TXK: variants seen among roughly 807,000 people sequenced by gnomAD.
TXK encodes TXK tyrosine kinase.
TXK carries 60 observed loss-of-function variants against 81.0 expected under a neutral mutation model. That is an observed-to-expected ratio of 0.74 (90% CI 0.60 to 0.92). The LOEUF (loss-of-function observed/expected upper bound fraction) is 0.92. Among genes scored for constraint, TXK ranks in the 40% least tolerant of loss-of-function variants. The pLI is 0.00. For missense variants in TXK, 581 were observed against 638.3 expected, an observed-to-expected ratio of 0.91 and a Z score of 0.97; for synonymous variants, 203 against 210.7, an observed-to-expected ratio of 0.96 and a Z score of 0.32.
intron 5 of TXK, among the ~76,000 whole-genome samples, 196 bp from the exon 6 acceptor site, chr4:48,105,151 T>C (rs1319586647): frequency 6.6e-6 from 1 of 152,170 alleles, no homozygotes; most frequent in Non-Finnish European, 1.5e-5. Context: ...CAAATCAATA[T>C]CTAGTTTATT....
chr4:48,089,682 GCACCCAGCCAGGTAGATTC>G (rs1717681502), intron 9 of TXK, 49 bp downstream of exon 9: 2 of 1,332,626 alleles, frequency 1.5e-6, no homozygotes, highest in African/African-American at 2.9e-5. Context: ...GTGAGCCACC[GCACCCAGCCAGGTAGATTC>G]TTTACTACTG....
At chr4:48,121,883 A>G (rs1269929721) in intron 1 of TXK, among the ~76,000 whole-genome samples, 2 of 152,192 alleles carry the variant, frequency 1.3e-5, no homozygotes, top group Non-Finnish European at 2.9e-5. Context: ...ATGTGAATGT[A>G]CTTAATGTTG....
In TXK at chr4:48,124,728, T is replaced by A. The variant is rs1386567515; in HGVS notation, c.16+9427A>T. 3.3e-5 allele frequency among the ~76,000 whole-genome samples: 5 copies of A among 152,190 alleles called. No individual in the cohort carries two copies. The East Asian group carries it at 9.6e-4, about 29-fold the overall frequency. On this transcript the variant is annotated intron_variant, in intron 1 of 14. Transcript: ENST00000264316. ...TTGTGGGGGCTCATAAGTCTAACCT[T>A]TTATTCCAGACATATATTTTTAAAC... is the stretch of plus-strand genomic sequence containing the variant.
chr4:48,133,085 A>C (rs1719287175), intron 1 of TXK, among the ~76,000 whole-genome samples: 2 of 152,232 alleles, frequency 1.3e-5, no homozygotes, highest in African/African-American at 4.8e-5. Context: ...TTTGTAGTGA[A>C]GATTTCAGAT....
chr4:48,120,206 C>T (rs1311740143), intron 1 of TXK, among the ~76,000 whole-genome samples: 2 of 90,390 alleles, frequency 2.2e-5, no homozygotes, highest in Non-Finnish European at 6.2e-5. Context: ...CACATATATA[C>T]GTATATATGT....
chr4:48,096,348 G>A (rs945046441), intron 6 of TXK, among the ~76,000 whole-genome samples: 5 of 152,128 alleles, frequency 3.3e-5, no homozygotes, highest in African/African-American at 1.2e-4. Context: ...ACACAAACAA[G>A]TATATATAAT....
At chr4:48,089,495 A>G in intron 9 of TXK, 1 of 295,238 alleles carries the variant, frequency 3.4e-6, no homozygotes, top group Non-Finnish European at 6.7e-6. Flanking sequence ...GGTTCAAGCG[A>G]TTCTCCTGCC....
At chr4:48,107,919 A>G (rs1577674065) in intron 5 of TXK, among the ~76,000 whole-genome samples, 1 of 81,510 alleles carries the variant, frequency 1.2e-5, no homozygotes, top group Non-Finnish European at 2.9e-5. Flanking sequence ...AAAAAAAAAA[A>G]AAAAAACCGG....
intron 1 of TXK, among the ~76,000 whole-genome samples, chr4:48,130,033 C>G (rs1335739147): frequency 6.6e-6 from 1 of 152,176 alleles, no homozygotes; most frequent in African/African-American, 2.4e-5. Context: ...ATGTGGGGAT[C>G]TGCAGTAGTT....
intron 10 of TXK, among the ~76,000 whole-genome samples, chr4:48,080,831 A>G (rs1717272951): frequency 1.3e-5 from 2 of 152,258 alleles, no homozygotes; most frequent in East Asian, 3.9e-4. Context: ...TTTTATGCCA[A>G]CTAGTCATCA....
intron 14 of TXK, among the ~76,000 whole-genome samples, chr4:48,071,255 G>C (rs1716839411): frequency 6.6e-6 from 1 of 152,104 alleles, no homozygotes; most frequent in South Asian, 2.1e-4. Context: ...GTAACACCAA[G>C]AGTTTCTGCA....
At chr4:48,106,627 G>T (rs1242694837) in intron 5 of TXK, among the ~76,000 whole-genome samples, 1 of 152,136 alleles carries the variant, frequency 6.6e-6, no homozygotes, top group East Asian at 1.9e-4. Context: ...AAACAGTATT[G>T]TGTTCTTGAA....
chr4:48,102,521 T>G (rs1718237304), intron 6 of TXK, among the ~76,000 whole-genome samples: 1 of 152,244 alleles, frequency 6.6e-6, no homozygotes, highest in South Asian at 2.1e-4. Context: ...GAAACCAGTT[T>G]ATCTCATTCA....
At chr4:48,074,902 T>C (rs530007200) in intron 12 of TXK, among the ~76,000 whole-genome samples, 18 of 152,168 alleles carry the variant, frequency 1.2e-4, no homozygotes, top group Non-Finnish European at 2.2e-4. Context: ...CCACTGTTTA[T>C]AGATTTTGAA....
At chr4:48,084,116 G>T (rs967015207) in intron 10 of TXK, among the ~76,000 whole-genome samples, 3 of 152,050 alleles carry the variant, frequency 2.0e-5, no homozygotes, top group Admixed American at 6.6e-5. Flanking sequence ...GTATGACAGG[G>T]TCTCACTCTG....
chr4:48,080,275 G>C, intron 10 of TXK, 147 bp from the exon 11 acceptor site: 1 of 673,812 alleles, frequency 1.5e-6, no homozygotes, highest in East Asian at 2.7e-5. Context: ...AAGTAGTTCA[G>C]TTTCCTTGCC....
At chr4:48,085,487 G>C (rs990655477) in intron 10 of TXK, among the ~76,000 whole-genome samples, 1 of 152,110 alleles carries the variant, frequency 6.6e-6, no homozygotes, top group Non-Finnish European at 1.5e-5. Context: ...CCAACAGGAG[G>C]CAGGGAAATA....
intron 10 of TXK, among the ~76,000 whole-genome samples, chr4:48,083,405 T>G (rs575105958): frequency 6.6e-6 from 1 of 152,358 alleles, no homozygotes; most frequent in Non-Finnish European, 1.5e-5. Flanking sequence ...GATGGATTGA[T>G]GTCTTATGTC....
Position 48,086,642 on chromosome 4 carries a change from A to G in TXK, c.785-5T>C. The G allele has an allele frequency of 3.7e-6, 6 of 1,612,844 alleles. No individual in the cohort carries two copies. Among genetic ancestry groups the G allele is most frequent in the Non-Finnish European group, 5.1e-6 (6 of 1,179,272 alleles). ...ATGGATCTATCTCCCACTTTTCTGA[A>G]AAAGTAAAACATCCATGTTACAAGT... On this transcript the variant is annotated splice_region_variant and splice_polypyrimidine_tract_variant and intron_variant, in intron 9 of 14. Coordinates refer to ENST00000264316, the MANE Select transcript of TXK (RefSeq NM_003328.3).
Sources: allele counts gnomAD v4.1 joint callset (sites outside exome capture counted in the v4.1 genomes callset), GRCh38; gene constraint gnomAD v4.1.1; transcripts MANE v1.5; gene names NCBI Gene and HGNC (gene_info 2026-07-23, HGNC 2026-07-21).